Variants in SIDT1 observed in about 807,000 individuals in gnomAD.
SIDT1 encodes SID1 transmembrane family, member 1.
In SIDT1, 101 loss-of-function variants were observed where a neutral mutation model predicts 107.5. The ratio of observed to expected loss-of-function variants is 0.94; its 90% CI spans 0.80 to 1.11. SIDT1 has a LOEUF of 1.11. SIDT1 is among the 50% of genes least tolerant of loss of function. The pLI, the probability that SIDT1 is intolerant of heterozygous loss-of-function variation, is 0.00. For synonymous variants in SIDT1, 395 were observed against 398.2 expected (o/e 0.99, Z 0.10); for missense variants, 1,076 against 1,058.2 (o/e 1.02, Z -0.23).
chr3:113,544,250 G>A (rs1246870234), intron 1 of SIDT1, among the ~76,000 whole-genome samples: 1 of 152,006 alleles, frequency 6.6e-6, no homozygotes. Flanking sequence ...GAGTGCAGTG[G>A]CATGATCTCG....
intron 3 of SIDT1, among the ~76,000 whole-genome samples, chr3:113,568,381 T>A (rs1459224071): frequency 6.6e-6 from 1 of 151,610 alleles, no homozygotes; most frequent in Non-Finnish European, 1.5e-5. Context: ...GATCACGAGG[T>A]CAGGAGATCG....
intron 2 of SIDT1, 149 bp from the exon 3 acceptor site, chr3:113,567,391 T>C (rs1413305173): frequency 3.7e-5 from 23 of 628,744 alleles, no homozygotes; most frequent in South Asian, 2.8e-4. Flanking sequence ...CTAAAATTAC[T>C]ATTGATAGTT....
rs1245923731 is a variant in SIDT1 at position 113,585,244 on chromosome 3, T to C, written c.975T>C (p.Leu325=). 1 of 1,613,312 alleles carries C rather than the reference T, an allele frequency of 6.2e-7. No homozygotes were observed. Among genetic ancestry groups the C allele is most frequent in the Non-Finnish European group, 8.5e-7 (1 of 1,179,364 alleles). Residue 325 remains leucine, a synonymous_variant, in exon 9 of 25, where the codon CTT becomes CTC. Coordinates refer to ENST00000264852, the MANE Select transcript of SIDT1 (RefSeq NM_017699.3). ...FIFLSFYLGC[L]LVGFVHYLRF... is the part of the protein sequence containing the mutation. Reference sequence around the variant, plus strand: ...TCCTGTCCTTCTACTTGGGATGCCTTCTTGTTGGGTTTGTTCATTATCTGA... The same window carrying C: ...TCCTGTCCTTCTACTTGGGATGCCTCCTTGTTGGGTTTGTTCATTATCTGA...
intron 1 of SIDT1, among the ~76,000 whole-genome samples, chr3:113,544,790 T>C (rs1939387037): frequency 1.3e-5 from 2 of 152,180 alleles, no homozygotes. Flanking sequence ...TTCTCCACTG[T>C]AAATTTACTG....
intron 23 of SIDT1, among the ~76,000 whole-genome samples, chr3:113,624,431 C>T (rs1008937299): frequency 2.0e-5 from 3 of 152,154 alleles, no homozygotes; most frequent in Non-Finnish European, 4.4e-5. Context: ...ATACATAGTA[C>T]TTCATGTCTA....
At chr3:113,553,430 A>G (rs749041965) in intron 1 of SIDT1, among the ~76,000 whole-genome samples, 1 of 152,202 alleles carries the variant, frequency 6.6e-6, no homozygotes, top group Non-Finnish European at 1.5e-5. Flanking sequence ...CCATCTTCAG[A>G]GCATTAATTA....
In SIDT1 at chr3:113,623,338, C is replaced by G; in HGVS notation, c.2091-89C>G. 6 of 731,324 alleles carry G rather than the reference C, an allele frequency of 8.2e-6. 1 individual carries two copies. The South Asian group carries it at 1.1e-4, about 13-fold the overall frequency. The allele number at this position is 731,324 out of a possible 1,614,324, so 45.3% of individuals were successfully genotyped here. A position where few individuals can be genotyped will look rare whatever the true frequency, so the allele number is the denominator to read the frequency against. On this transcript the variant is annotated intron_variant, in intron 21 of 24. Transcript: ENST00000264852. ...TTAAAAAAAAAAAAAGAACCTGCCCCTTCCCCCTCAAGGGACTGGGGGATT... is the reference window on the plus strand; with the variant it reads ...TTAAAAAAAAAAAAAGAACCTGCCCGTTCCCCCTCAAGGGACTGGGGGATT...
At chr3:113,538,916 T>C (rs550279587) in intron 1 of SIDT1, among the ~76,000 whole-genome samples, 7 of 152,366 alleles carry the variant, frequency 4.6e-5, no homozygotes, top group Admixed American at 2.6e-4. Context: ...TAATTTCTGA[T>C]TGTGTCTTTT....
In SIDT1 at chr3:113,593,020, C is replaced by T. The variant is rs1384811262; in HGVS notation, c.1017C>T (p.Ser339=). 6.2e-7 allele frequency: 1 copy of T among 1,613,590 alleles called. No homozygotes were observed. The highest frequency in any genetic ancestry group is 1.1e-5 in the South Asian group (1 of 91,072). The change falls in exon 10 of 25, where the codon TCC becomes TCT. Residue 339 remains serine (S), a synonymous_variant. Coordinates refer to ENST00000264852, the MANE Select transcript of SIDT1 (RefSeq NM_017699.3). ...FVHYLRFQRK[S]IDGSFGSNDG... is the part of the protein sequence containing the mutation. ...TTGTTTGCAGGTTTCAGAGAAAATC[C>T]ATTGATGGAAGCTTTGGGTCCAATG...
Position 113,608,139 on chromosome 3 carries a change from C to A in SIDT1, c.1524C>A (p.Gly508=). Residue 508 remains glycine, a synonymous_variant, in exon 16 of 25, where the codon GGC becomes GGA. Transcript: ENST00000264852. ...ILSNLGHVLL[G]FLFLLIVLRR... ...GCAATCTGGGCCACGTGCTTCTGGG[C>A]TTCCTCTTCCTGCTGATAGTCTTGC... 6.2e-7 allele frequency: 1 copy of A among 1,612,634 alleles called. No individual in the cohort carries two copies. Among genetic ancestry groups the A allele is most frequent in the Non-Finnish European group, 8.5e-7 (1 of 1,179,368 alleles).
chr3:113,584,230 T>C (rs1442919182), intron 7 of SIDT1, among the ~76,000 whole-genome samples: 2 of 152,238 alleles, frequency 1.3e-5, no homozygotes, highest in Admixed American at 6.5e-5. Flanking sequence ...CTTAATTACA[T>C]GGCTCCAAAA....
intron 3 of SIDT1, among the ~76,000 whole-genome samples, chr3:113,573,605 TG>T (rs1407168524): frequency 6.6e-6 from 1 of 152,192 alleles, no homozygotes; most frequent in Admixed American, 6.5e-5. Flanking sequence ...TCCACAGTGA[TG>T]GTACTTGGAG....
chr3:113,544,045 A>G (rs1939258892), intron 1 of SIDT1, among the ~76,000 whole-genome samples: 1 of 151,902 alleles, frequency 6.6e-6, no homozygotes, highest in African/African-American at 2.4e-5. Context: ...AATTTCACCA[A>G]TTTTCCAATA....
chr3:113,567,703 C>T lies in SIDT1; in HGVS notation c.508C>T (p.Gln170Ter). The change falls in exon 3 of 25, where the codon CAG (glutamine) becomes TAG (stop). Residue 170 changes from glutamine (Q) to a stop codon, truncating the protein, a stop_gained. Transcript: ENST00000264852. LOFTEE classifies it high-confidence loss of function. ...GCTAGTTACCAAGCTGAAGCACTTC[C>T]AGCTCCGGTAAGCGGGACTTTCTCT... Reference protein sequence around the residue: ...KLLVTKLKHFQLRTNVAFHFT... With the variant: ...KLLVTKLKHF 1.2e-6 allele frequency: 2 copies of T among 1,613,680 alleles called. No homozygotes were observed. Among genetic ancestry groups the T allele is most frequent in the East Asian group, 2.2e-5 (1 of 44,882 alleles).
chr3:113,546,829 C>A (rs769239837), intron 1 of SIDT1, among the ~76,000 whole-genome samples: 1 of 151,990 alleles, frequency 6.6e-6, no homozygotes, highest in Admixed American at 6.6e-5. Flanking sequence ...TTCATGTTAC[C>A]ACATGTTGCC....
At position 113,628,875 on chromosome 3, in the gene SIDT1, T is replaced by A. The variant is rs566345665; in HGVS notation, c.*1167T>A. On this transcript the variant is annotated 3_prime_UTR_variant, in exon 25 of 25. Coordinates refer to ENST00000264852, the MANE Select transcript of SIDT1 (RefSeq NM_017699.3). ...GCAAAGTGCACAGCTAATCTAATGT[T>A]GTCTCTCGGTTGCACCTGACATTCT... 6.6e-6 allele frequency: 1 copy of A among 152,374 alleles called. No individual in the cohort carries two copies. Among genetic ancestry groups the A allele is most frequent in the Non-Finnish European group, 1.5e-5 (1 of 68,058 alleles). The allele number at this position is 152,374 out of a possible 1,614,324, so 9.4% of individuals were successfully genotyped here.
chr3:113,592,851 G>T, intron 9 of SIDT1, 154 bp from the exon 10 acceptor site: 1 of 662,210 alleles, frequency 1.5e-6, no homozygotes, highest in South Asian at 1.6e-5. Context: ...CTCCCAAAGT[G>T]CTGGGATTAC....
intron 7 of SIDT1, among the ~76,000 whole-genome samples, chr3:113,584,144 G>A (rs1943568048): frequency 6.6e-6 from 1 of 152,168 alleles, no homozygotes; most frequent in Non-Finnish European, 1.5e-5. Flanking sequence ...CACAAAGTGT[G>A]TTTACTGTTG....
intron 5 of SIDT1, 36 bp from the exon 6 acceptor site, chr3:113,581,325 G>A (rs1943320090): frequency 2.0e-6 from 3 of 1,533,438 alleles, no homozygotes; most frequent in African/African-American, 2.7e-5. Context: ...ATGACATTAT[G>A]GATGCTTTCC....
Sources: gnomAD v4.1 joint callset for allele counts (sites outside exome capture counted in the v4.1 genomes callset) on GRCh38, gnomAD v4.1.1 for gene constraint, MANE v1.5 for transcripts, NCBI Gene and HGNC (gene_info 2026-07-23, HGNC 2026-07-21) for gene names.